Variants in NAV2 observed in about 807,000 individuals in gnomAD.
NAV2 encodes neuron navigator 2.
In NAV2, 54 loss-of-function variants were observed where a neutral mutation model predicts 223.2. The observed-to-expected ratio is 0.24, with a 90% confidence interval of 0.19 to 0.30. The LOEUF is 0.30. Ranked by LOEUF, NAV2 falls within the 10% of genes least tolerant of loss-of-function variation. The pLI is 1.00. For synonymous variants in NAV2, 1,279 were observed against 1,239.3 expected, an observed-to-expected ratio of 1.03 and a Z score of -0.67; for missense variants, 2,806 against 3,147.5, an observed-to-expected ratio of 0.89 and a Z score of 2.60.
intron 1 of NAV2, among the ~76,000 whole-genome samples, chr11:19,676,958 T>C (rs1469862425): frequency 6.6e-6 from 1 of 152,144 alleles, no homozygotes; most frequent in African/African-American, 2.4e-5. Flanking sequence ...TACCATGTGA[T>C]TGTGTGTGCA....
chr11:19,937,766 C>T (rs2046039359), intron 7 of NAV2, among the ~76,000 whole-genome samples: 2 of 152,346 alleles, frequency 1.3e-5, no homozygotes, highest in Admixed American at 1.3e-4. Context: ...ACCCTTCTTG[C>T]GTTGCCTGTG....
chr11:19,443,248 T>C (rs1210139328), intron 1 of NAV2, among the ~76,000 whole-genome samples: 1 of 152,118 alleles, frequency 6.6e-6, no homozygotes, highest in Non-Finnish European at 1.5e-5. Flanking sequence ...CCTTGCTGAG[T>C]TGCTCCTCCA....
intron 1 of NAV2, among the ~76,000 whole-genome samples, chr11:19,752,783 T>C (rs2053934961): frequency 6.6e-6 from 1 of 152,194 alleles, no homozygotes; most frequent in Non-Finnish European, 1.5e-5. Flanking sequence ...CATTGGTAAG[T>C]ATTAGACAAA....
intron 1 of NAV2, among the ~76,000 whole-genome samples, chr11:19,635,185 G>A (rs906632840): frequency 6.6e-6 from 1 of 152,210 alleles, no homozygotes; most frequent in Non-Finnish European, 1.5e-5. Flanking sequence ...AGTGATATAA[G>A]ATGTGGTTGT....
At chr11:19,489,308 GGAA>G (rs775013461) in intron 1 of NAV2, among the ~76,000 whole-genome samples, 1 of 152,252 alleles carries the variant, frequency 6.6e-6, no homozygotes, top group East Asian at 1.9e-4. Flanking sequence ...GAGAGAGAGG[GGAA>G]GAAGAAGGGC....
intron 1 of NAV2, among the ~76,000 whole-genome samples, chr11:19,535,416 C>T (rs755728179): frequency 6.6e-6 from 1 of 152,092 alleles, no homozygotes; most frequent in African/African-American, 2.4e-5. Flanking sequence ...GACCTGGGTT[C>T]ACTCACCAGC....
intron 10 of NAV2, among the ~76,000 whole-genome samples, chr11:19,960,293 G>T (rs896138991): frequency 7.9e-5 from 12 of 152,088 alleles, no homozygotes; most frequent in Non-Finnish European, 1.8e-4. Context: ...TCCTACTCTG[G>T]AGCTCCGGGT....
intron 1 of NAV2, among the ~76,000 whole-genome samples, chr11:19,394,530 T>C (rs1849374641): frequency 6.7e-6 from 1 of 150,364 alleles, no homozygotes; most frequent in Non-Finnish European, 1.5e-5. Context: ...GCGATGGCTC[T>C]TGTCTTCTCA....
chr11:19,985,569 T>G (rs2050717439), intron 11 of NAV2, among the ~76,000 whole-genome samples: 1 of 151,762 alleles, frequency 6.6e-6, no homozygotes. Flanking sequence ...GTTTTTTTGT[T>G]GTTGTTTGTT....
intron 1 of NAV2, among the ~76,000 whole-genome samples, chr11:19,593,253 A>G (rs1474430923): frequency 6.6e-6 from 1 of 152,088 alleles, no homozygotes; most frequent in African/African-American, 2.4e-5. Flanking sequence ...AAAGTATGTG[A>G]CCTTTTAAGC....
At chr11:19,477,659 G>T (rs185623552) in intron 1 of NAV2, among the ~76,000 whole-genome samples, 4 of 152,326 alleles carry the variant, frequency 2.6e-5, no homozygotes, top group Non-Finnish European at 4.4e-5. Context: ...ACGGCAAGCA[G>T]TCCATGGGAA....
chr11:19,725,955 G>GCC (rs2051199059), intron 1 of NAV2, among the ~76,000 whole-genome samples: 1 of 152,232 alleles, frequency 6.6e-6, no homozygotes, highest in African/African-American at 2.4e-5. Context: ...GCGAGGCCAG[G>GCC]CTGGCTGGGC....
At chr11:19,857,091 T>C (rs1389030489) in intron 3 of NAV2, among the ~76,000 whole-genome samples, 1 of 152,264 alleles carries the variant, frequency 6.6e-6, no homozygotes, top group Non-Finnish European at 1.5e-5. Flanking sequence ...TATTCCTTTA[T>C]ATCTACTTGT....
intron 1 of NAV2, among the ~76,000 whole-genome samples, chr11:19,618,404 G>GGATGTATGAATGAATA (rs1565105270): frequency 1.2e-3 from 43 of 37,082 alleles, no homozygotes; most frequent in African/African-American, 1.9e-3. Flanking sequence ...ATGAATAGAT[G>GGATGTATGAATGAATA]GATGGATGGA....
At position 19,933,766 on chromosome 11, in the gene NAV2, G is replaced by A. The variant is rs372275311; in HGVS notation, c.1522G>A (p.Ala508Thr). Reference sequence around the variant, plus strand: ...GAAAAGCAAGGACCTTGCCAAGAGAGCCTCTGTGACGGAGAGGCTGGACCT... The same window carrying A: ...GAAAAGCAAGGACCTTGCCAAGAGAACCTCTGTGACGGAGAGGCTGGACCT... Reference protein sequence around the residue: ...KEKSKDLAKRASVTERLDLKE... With the variant: ...KEKSKDLAKRTSVTERLDLKE... Residue 508 changes from alanine to threonine, a missense_variant, in exon 7 of 38, where the codon GCC (alanine) becomes ACC (threonine). Ala to Thr is a moderately conservative substitution (Grantham distance 58). This residue lies in a region of NAV2 where 1,167 missense variants were observed against 1,180.5 expected (regional missense o/e 0.99). Transcript: ENST00000349880. The surrounding 1 kb of genome is among the most constrained non-coding windows in gnomAD (Gnocchi z 4.3). 5 of 1,614,060 alleles carry A rather than the reference G, an allele frequency of 3.1e-6. No individual in the cohort carries two copies. Among genetic ancestry groups the A allele is most frequent in the Non-Finnish European group, 4.2e-6 (5 of 1,180,040 alleles).
chr11:19,353,861 T>C (rs935951955), intron 1 of NAV2, among the ~76,000 whole-genome samples: 3 of 152,208 alleles, frequency 2.0e-5, no homozygotes, highest in Non-Finnish European at 4.4e-5. Flanking sequence ...GTTTTGTACA[T>C]ATTATTCTTG....
Position 20,118,992 on chromosome 11 carries a change from G to C in NAV2, c.*734G>C, listed in dbSNP as rs540377373. The C allele has an allele frequency of 5.2e-5, 8 of 152,482 alleles. 1 individual carries two copies. The Middle Eastern group carries it at 0.01, about 196-fold the overall frequency. 9.4% of individuals were successfully genotyped at this position (152,482 alleles called of 1,614,324 possible). ...TGAGAGTGAGTGACGGAGTGAGAGT[G>C]TGAGCGAGTGGATGTGGCTGTCAGT... On this transcript the variant is annotated 3_prime_UTR_variant, in exon 38 of 38. Transcript: ENST00000349880.
intron 11 of NAV2, among the ~76,000 whole-genome samples, chr11:20,032,134 T>A (rs2055825179): frequency 6.6e-6 from 1 of 152,244 alleles, no homozygotes; most frequent in African/African-American, 2.4e-5. Context: ...GTTTTCCAGC[T>A]GCAGGGGCAG....
At chr11:19,926,735 C>T (rs1344066764) in intron 6 of NAV2, among the ~76,000 whole-genome samples, 1 of 152,078 alleles carries the variant, frequency 6.6e-6, no homozygotes, top group Non-Finnish European at 1.5e-5. Flanking sequence ...AAATTGCAGA[C>T]ATTTTCCCAC....
Sources: allele counts gnomAD v4.1 joint callset (sites outside exome capture counted in the v4.1 genomes callset), GRCh38; gene constraint gnomAD v4.1.1; regional missense constraint gnomAD v4.1.1; non-coding constraint Gnocchi (gnomAD v3.1); transcripts MANE v1.5; gene names NCBI Gene and HGNC (gene_info 2026-07-23, HGNC 2026-07-21).